The following DEFA5 variants were observed in gnomAD, a reference collection of about 807,000 sequenced individuals.
DEFA5 encodes defensin alpha 5, also known as HD5(20-94).
DEFA5 carries 11 observed loss-of-function variants against 8.7 expected under a neutral mutation model. The observed-to-expected ratio is 1.26, with a 90% CI of 0.80 to 2.09. The LOEUF (loss-of-function observed/expected upper bound fraction) is 2.09, where lower values mean the gene tolerates loss of function less well. Among genes scored for constraint, DEFA5 ranks in the 30% most tolerant of loss-of-function variants. The pLI is 0.00. For synonymous variants in DEFA5, 52 were observed against 43.9 expected (o/e 1.18, Z -0.73); for missense variants, 181 against 117.2 (o/e 1.54, Z -2.52).
chr8:7,056,000 A>C (rs1255369971), intron 1 of DEFA5, among the ~76,000 whole-genome samples: 2 of 132,696 alleles, frequency 1.5e-5, no homozygotes, highest in South Asian at 2.5e-4. Flanking sequence ...CAAATTCTTC[A>C]TTCTCTGTCT....
At chr8:7,055,759 T>C (rs189783744) in intron 1 of DEFA5, among the ~76,000 whole-genome samples, 1 of 152,194 alleles carries the variant, frequency 6.6e-6, no homozygotes, top group Non-Finnish European at 1.5e-5. Flanking sequence ...CTATCCAGGA[T>C]GTATTTATTA....
In DEFA5 at chr8:7,055,424, A is replaced by G; in HGVS notation, c.*7T>C. The G allele has an allele frequency of 1.2e-6, 2 of 1,611,134 alleles. No individual in the cohort carries two copies. The highest frequency in any genetic ancestry group is 1.3e-5 in the African/African-American group (1 of 74,984). ...TCTTGCACTGCTTTGGTTTCTATCT[A>G]GGAAGCTCAGCGACAGCAGAGTCTG... On this transcript the variant is annotated 3_prime_UTR_variant, in exon 2 of 2. Coordinates refer to ENST00000330590, the MANE Select transcript of DEFA5 (RefSeq NM_021010.3).
rs144582574 is a variant in DEFA5 at position 7,055,430 on chromosome 8, C to G, written c.*1G>C. 1.0e-4 allele frequency: 161 copies of G among 1,612,858 alleles called. No individual in the cohort carries two copies. The African/African-American group carries it at 1.7e-3, about 17-fold the overall frequency. ...ACTGCTTTGGTTTCTATCTAGGAAGCTCAGCGACAGCAGAGTCTGTAGAGG... is the reference window on the plus strand; with the variant it reads ...ACTGCTTTGGTTTCTATCTAGGAAGGTCAGCGACAGCAGAGTCTGTAGAGG... On this transcript the variant is annotated 3_prime_UTR_variant, in exon 2 of 2. Coordinates refer to ENST00000330590, the MANE Select transcript of DEFA5 (RefSeq NM_021010.3).
chr8:7,056,437 G>A (rs1356917572), intron 1 of DEFA5, 89 bp downstream of exon 1: 3 of 1,333,300 alleles, frequency 2.3e-6, no homozygotes, highest in Middle Eastern at 2.0e-4. Flanking sequence ...TCACTCAAGT[G>A]AGGTAGACCT....
intron 1 of DEFA5, among the ~76,000 whole-genome samples, chr8:7,056,011 CTCCTTTTTTT>C (rs1005550948): frequency 1.2e-5 from 1 of 80,746 alleles, no homozygotes; most frequent in African/African-American, 4.8e-5. Flanking sequence ...TTCTCTGTCT[CTCCTTTTTTT>C]TTTTTTTTTT....
chr8:7,056,500 A>G, intron 1 of DEFA5, 26 bp downstream of exon 1: 2 of 1,578,002 alleles, frequency 1.3e-6, no homozygotes, highest in South Asian at 1.1e-5. Context: ...TAGATTTTGC[A>G]GATGTGCAAG....
At chr8:7,055,925 G>A (rs1812405759) in intron 1 of DEFA5, among the ~76,000 whole-genome samples, 1 of 151,356 alleles carries the variant, frequency 6.6e-6, no homozygotes, top group Non-Finnish European at 1.5e-5. Flanking sequence ...ATGCCGCATT[G>A]TGCATGCTAA....
rs201513753 is a variant in DEFA5, at chr8:7,056,687, A to G, written c.11T>C (p.Ile4Thr). Residue 4 changes from isoleucine to threonine, a missense_variant, in exon 1 of 2, where the codon ATC becomes ACC. Physicochemically the swap from Ile to Thr is moderately conservative, Grantham distance 89 (BLOSUM62 -1). Coordinates refer to ENST00000330590, the MANE Select transcript of DEFA5 (RefSeq NM_021010.3). Reference sequence around the variant, plus strand: ...CAGGAGAATGGCAGCAAGGATGGCGATGGTCCTCATGGCTGGGGTCACCTG... The same window carrying G: ...CAGGAGAATGGCAGCAAGGATGGCGGTGGTCCTCATGGCTGGGGTCACCTG... MRT[I>T]AILAAILLVA... is the part of the protein sequence containing the mutation. The G allele has an allele frequency of 8.1e-6, 13 of 1,611,586 alleles. No homozygotes were observed. The highest frequency in any genetic ancestry group is 1.1e-5 in the Non-Finnish European group (13 of 1,178,626).
In DEFA5 at chr8:7,056,604, G is replaced by A. The variant is rs1196102834; in HGVS notation, c.94C>T (p.Gln32Ter). ...TGGTTGTCTTCCCCAGACTGCTTCT[G>A]GGTTGTAGCCTCATCAGCTCTTTCC... ...LQERADEATT[Q>*]KQSGEDNQDL... is the part of the protein sequence containing the mutation. Residue 32 changes from glutamine (Q) to a stop codon, truncating the protein, a stop_gained, in exon 1 of 2, where the codon CAG becomes TAG. Coordinates refer to ENST00000330590, the MANE Select transcript of DEFA5 (RefSeq NM_021010.3). LOFTEE classifies it high-confidence loss of function. 6.2e-7 allele frequency: 1 copy of A among 1,614,168 alleles called. No homozygotes were observed. Among genetic ancestry groups the A allele is most frequent in the African/African-American group, 1.3e-5 (1 of 75,056 alleles).
intron 1 of DEFA5, among the ~76,000 whole-genome samples, 185 bp downstream of exon 1, chr8:7,056,341 G>A (rs887546468): frequency 1.3e-5 from 2 of 152,112 alleles, no homozygotes; most frequent in Non-Finnish European, 2.9e-5. Flanking sequence ...GAAAGTCTTA[G>A]AAAAAAGAAA....
At position 7,056,682 on chromosome 8, in the gene DEFA5, T is replaced by G. The variant is rs140785130; in HGVS notation, c.16A>C (p.Ile6Leu). Residue 6 changes from isoleucine to leucine, a missense_variant, in exon 1 of 2, where the codon ATC becomes CTC. By Grantham distance (5) the Ile-to-Leu change is conservative. Coordinates refer to ENST00000330590, the MANE Select transcript of DEFA5 (RefSeq NM_021010.3). MRTIA[I>L]LAAILLVALQ... ...GCCACCAGGAGAATGGCAGCAAGGA[T>G]GGCGATGGTCCTCATGGCTGGGGTC... 1.2e-6 allele frequency: 2 copies of G among 1,612,772 alleles called. No individual in the cohort carries two copies. Among genetic ancestry groups the G allele is most frequent in the Admixed American group, 3.3e-5 (2 of 60,002 alleles).
intron 1 of DEFA5, among the ~76,000 whole-genome samples, chr8:7,055,841 G>A (rs549412134): frequency 7.9e-5 from 12 of 152,028 alleles, no homozygotes; most frequent in East Asian, 5.8e-4. Flanking sequence ...TCATCCACAC[G>A]CCTAATCTTG....
At chr8:7,056,477 A>G in intron 1 of DEFA5, 49 bp downstream of exon 1, 2 of 1,549,820 alleles carry the variant, frequency 1.3e-6, no homozygotes, top group Non-Finnish European at 1.8e-6. Context: ...TCCTTTCTCC[A>G]ATCCTTTTTT....
chr8:7,056,423 A>C (rs1239340246), intron 1 of DEFA5, 103 bp downstream of exon 1: 6 of 1,177,278 alleles, frequency 5.1e-6, no homozygotes, highest in Non-Finnish European at 5.8e-6. Context: ...AAGATTAAGT[A>C]AAGTCACTCA....
At position 7,056,592 on chromosome 8, in the gene DEFA5, C is replaced by A. The variant is rs746961735; in HGVS notation, c.106G>T (p.Gly36Trp). 6.2e-7 allele frequency: 1 copy of A among 1,614,130 alleles called. No individual in the cohort carries two copies. The change falls in exon 1 of 2, where the codon GGG becomes TGG. Residue 36 changes from glycine to tryptophan, a missense_variant. By Grantham distance (184) the Gly-to-Trp change is radical. Transcript: ENST00000330590. The part of the protein sequence containing the change: ...ADEATTQKQS[G>W]EDNQDLAISF... Reference sequence around the variant, plus strand: ...ATAGCAAGGTCCTGGTTGTCTTCCCCAGACTGCTTCTGGGTTGTAGCCTCA... The same window carrying A: ...ATAGCAAGGTCCTGGTTGTCTTCCCAAGACTGCTTCTGGGTTGTAGCCTCA...
chr8:7,056,248 G>A (rs997744920), intron 1 of DEFA5, among the ~76,000 whole-genome samples: 1 of 151,992 alleles, frequency 6.6e-6, no homozygotes, highest in Non-Finnish European at 1.5e-5. Flanking sequence ...AACTAAGTCT[G>A]CCCATTTAGA....
In DEFA5 at chr8:7,055,402, T is replaced by A. The variant is rs780737890; in HGVS notation, c.*29A>T. 16 of 1,556,826 alleles carry A rather than the reference T, an allele frequency of 1.0e-5. No homozygotes were observed. In the East Asian group the frequency reaches 3.1e-4, roughly 31 times the overall value. On this transcript the variant is annotated 3_prime_UTR_variant, in exon 2 of 2. Transcript: ENST00000330590. ...TTTTTCAGGACCTTGAACTGAATCT[T>A]GCACTGCTTTGGTTTCTATCTAGGA...
rs752012262 is a variant in DEFA5 at position 7,055,561 on chromosome 8, G to C, written c.173-18C>G. The C allele has an allele frequency of 5.7e-6, 9 of 1,575,486 alleles. No individual in the cohort carries two copies. The highest frequency in any genetic ancestry group is 4.0e-5 in the African/African-American group (3 of 74,334). On this transcript the variant is annotated intron_variant, in intron 1 of 1. Coordinates refer to ENST00000330590, the MANE Select transcript of DEFA5 (RefSeq NM_021010.3). ...CTGAGAACCTGTGGAAAGAAGAGAG[G>C]GTCAGGCACAGCGAGGGAGGTGGGA...
At chr8:7,055,876 C>T (rs1199949867) in intron 1 of DEFA5, among the ~76,000 whole-genome samples, 1 of 152,102 alleles carries the variant, frequency 6.6e-6, no homozygotes, top group Non-Finnish European at 1.5e-5. Context: ...TTTCCAGGTC[C>T]TAACAAGGCT....
Sources: gnomAD v4.1 joint callset for allele counts (sites outside exome capture counted in the v4.1 genomes callset) on GRCh38, gnomAD v4.1.1 for gene constraint, MANE v1.5 for transcripts, NCBI Gene and HGNC (gene_info 2026-07-23, HGNC 2026-07-21) for gene names.